The following TGIF1 variants were observed in gnomAD, a reference collection of about 807,000 sequenced individuals.
TGIF1 encodes the protein homeobox protein TGIF1.
Under a neutral mutation model 19.3 loss-of-function variants are expected in TGIF1, and 4 were observed. The observed-to-expected ratio is 0.21, with a 90% CI of 0.10 to 0.47. The LOEUF is 0.47. Ranked by LOEUF, TGIF1 falls within the 20% of genes least tolerant of loss-of-function variation. The pLI, the probability that TGIF1 is intolerant of heterozygous loss-of-function variation, is 0.98. For synonymous variants in TGIF1, 122 were observed against 129.3 expected (o/e 0.94, Z 0.38); for missense variants, 275 against 341.4 (o/e 0.81, Z 1.53).
At chr18:3,432,931 G>A (rs2082567928) in intron 2 of TGIF1, among the ~76,000 whole-genome samples, 1 of 151,888 alleles carries the variant, frequency 6.6e-6, no homozygotes, top group Non-Finnish European at 1.5e-5. Context: ...GGCTAATTTT[G>A]TATTTTTAGT....
chr18:3,449,273 G>C (rs773075180), upstream of TGIF1: 18 of 467,712 alleles, frequency 3.8e-5, no homozygotes, highest in Non-Finnish European at 5.0e-5. Flanking sequence ...ACTGTTGACC[G>C]AAACAGACGA....
In TGIF1 at chr18:3,458,502, T is replaced by TCC. The variant is rs2049435412; in HGVS notation, c.*562_*563insCC. 6.2e-6 allele frequency: 1 copy of TCC among 162,290 alleles called. No individual in the cohort carries two copies. 10.1% of individuals were successfully genotyped at this position (162,290 alleles called of 1,614,324 possible). A position where few individuals can be genotyped will look rare whatever the true frequency, so the allele number is the denominator to read the frequency against. On this transcript the variant is annotated 3_prime_UTR_variant, in exon 3 of 3. Transcript: ENST00000343820. ...CCCAGTGAGCAGGAAGCTGGGGGGGTAGGGTGCAGTGTTAGGGGGTGTCAC... is the reference window on the plus strand; with the variant it reads ...CCCAGTGAGCAGGAAGCTGGGGGGGTCCAGGGTGCAGTGTTAGGGGGTGTCAC...
chr18:3,447,528 C>A, upstream of TGIF1: 1 of 650,200 alleles, frequency 1.5e-6, no homozygotes, highest in Admixed American at 2.3e-5. Flanking sequence ...TGAGGCTGTT[C>A]CCTTTGTTAC....
At chr18:3,422,686 T>TTTTTTG (rs1568029499) in intron 2 of TGIF1, among the ~76,000 whole-genome samples, 9 of 118,874 alleles carry the variant, frequency 7.6e-5, no homozygotes, top group African/African-American at 2.8e-4. Flanking sequence ...TTTTTTTTTT[T>TTTTTTG]TTTTTTTTTT....
rs924561468 is a variant in TGIF1, at chr18:3,451,465, G to A, written c.16+960G>A. ...GAGGTCCCCCGAGTGTTCCGCTGTGGGCTGGAGGTGGCGTTTCTGTCGTGA... is the reference window on the plus strand; with the variant it reads ...GAGGTCCCCCGAGTGTTCCGCTGTGAGCTGGAGGTGGCGTTTCTGTCGTGA... On this transcript the variant is annotated intron_variant, in intron 1 of 2. Transcript: ENST00000343820. This position sits in a 1 kb window ranked among gnomAD's most constrained non-coding sequence, Gnocchi z 5.4. The A allele has an allele frequency of 2.0e-6, 2 of 987,542 alleles. No individual in the cohort carries two copies. The highest frequency in any genetic ancestry group is 2.4e-6 in the Non-Finnish European group (2 of 831,454). 61.2% of individuals were successfully genotyped at this position (987,542 alleles called of 1,614,324 possible).
chr18:3,428,359 T>C (rs1245797609), intron 2 of TGIF1, among the ~76,000 whole-genome samples: 11 of 152,172 alleles, frequency 7.2e-5, no homozygotes, highest in Non-Finnish European at 1.6e-4. Flanking sequence ...GTTTCTGCAG[T>C]TGTTTGAGTT....
intron 2 of TGIF1, among the ~76,000 whole-genome samples, chr18:3,431,375 G>C (rs1019805755): frequency 1.3e-5 from 2 of 152,230 alleles, no homozygotes; most frequent in East Asian, 1.9e-4. Context: ...GGTGGAGGTC[G>C]TAGTGAGCAG....
chr18:3,415,499 G>T, intron 1 of TGIF1: 1 of 466,752 alleles, frequency 2.1e-6, no homozygotes, highest in East Asian at 6.1e-5. Flanking sequence ...GAGTTCCTGG[G>T]TGCCCAGAAG....
chr18:3,445,860 C>G (rs2082738919), upstream of TGIF1, among the ~76,000 whole-genome samples: 1 of 136,382 alleles, frequency 7.3e-6, no homozygotes, highest in Admixed American at 7.8e-5. Flanking sequence ...CCACAGTGTT[C>G]AGGAGGCCCT....
chr18:3,416,366 A>G (rs2082331839), intron 1 of TGIF1, among the ~76,000 whole-genome samples: 2 of 152,120 alleles, frequency 1.3e-5, no homozygotes, highest in South Asian at 4.1e-4. Flanking sequence ...TAAAAATACA[A>G]AAATCAGCAG....
intron 2 of TGIF1, among the ~76,000 whole-genome samples, chr18:3,435,129 GA>G (rs1308608338): frequency 6.6e-6 from 1 of 151,980 alleles, no homozygotes; most frequent in East Asian, 1.9e-4. Context: ...AGTACCAAGT[GA>G]AAAACTCATT....
At position 3,458,424 on chromosome 18, in the gene TGIF1, A is replaced by G. The variant is rs1387313361; in HGVS notation, c.*484A>G. On this transcript the variant is annotated 3_prime_UTR_variant, in exon 3 of 3. Coordinates refer to ENST00000343820, the MANE Select transcript of TGIF1 (RefSeq NM_003244.4). The stretch of plus-strand genomic sequence containing the variant: ...TTTTCTTTAAAAATTGTTGTAATTC[A>G]GAGTATTTCTGTTGAGGGAGGTGCT... 1 of 169,358 alleles carries G rather than the reference A, an allele frequency of 5.9e-6. No individual in the cohort carries two copies. Among genetic ancestry groups the G allele is most frequent in the Admixed American group, 5.9e-5 (1 of 17,062 alleles). 10.5% of individuals were successfully genotyped at this position (169,358 alleles called of 1,614,324 possible).
At chr18:3,417,213 G>A (rs1311570892) in intron 1 of TGIF1, among the ~76,000 whole-genome samples, 1 of 152,160 alleles carries the variant, frequency 6.6e-6, no homozygotes, top group Non-Finnish European at 1.5e-5. Context: ...GGTCTGGAGT[G>A]CAGTGGTGCA....
At chr18:3,415,400 T>C (rs547477175) in intron 1 of TGIF1, 2 of 481,404 alleles carry the variant, frequency 4.2e-6, no homozygotes, top group South Asian at 3.0e-5. Context: ...TCAGGGACAT[T>C]GGAAGCTGGA....
At chr18:3,445,086 G>A (rs923386830) in intron 2 of TGIF1, among the ~76,000 whole-genome samples, 1 of 152,182 alleles carries the variant, frequency 6.6e-6, no homozygotes, top group Non-Finnish European at 1.5e-5. Flanking sequence ...AAGAAAGAAT[G>A]ATCCAGCCCC....
Position 3,457,255 on chromosome 18 carries a change from G to A in TGIF1, c.244-110G>A. On this transcript the variant is annotated intron_variant, in intron 2 of 2. Coordinates refer to ENST00000343820, the MANE Select transcript of TGIF1 (RefSeq NM_003244.4). This position sits in a 1 kb window ranked among gnomAD's most constrained non-coding sequence, Gnocchi z 4.9. ...TGTAAATTCAGATAAGGCTTTTCAT[G>A]CTTTCTTTAATTCAGAGAGCAAGAT... 1.7e-6 allele frequency: 2 copies of A among 1,203,432 alleles called. No homozygotes were observed. Among genetic ancestry groups the A allele is most frequent in the South Asian group, 2.6e-5 (2 of 76,534 alleles). 74.5% of individuals were successfully genotyped at this position (1,203,432 alleles called of 1,614,324 possible).
chr18:3,429,841 G>A (rs552589544), intron 2 of TGIF1, among the ~76,000 whole-genome samples: 1 of 152,348 alleles, frequency 6.6e-6, no homozygotes, highest in South Asian at 2.1e-4. Flanking sequence ...TGTTGTCAAA[G>A]AGGAACAAAC....
chr18:3,458,825 C>T lies in TGIF1; in HGVS notation c.*885C>T, dbSNP rs557614872. 1 of 152,186 alleles carries T rather than the reference C, an allele frequency of 6.6e-6. No individual in the cohort carries two copies. The highest frequency in any genetic ancestry group is 1.9e-4 in the East Asian group (1 of 5,196). 9.4% of individuals were successfully genotyped at this position (152,186 alleles called of 1,614,324 possible). On this transcript the variant is annotated 3_prime_UTR_variant, in exon 3 of 3. Transcript: ENST00000343820. ...TTTTCCACGTTACCCTTTAAAATAACCTTTGTTCAGTGGTACATTTAGTTA... is the reference window on the plus strand; with the variant it reads ...TTTTCCACGTTACCCTTTAAAATAATCTTTGTTCAGTGGTACATTTAGTTA...
chr18:3,458,441 G>A lies in TGIF1; in HGVS notation c.*501G>A, dbSNP rs1021916795. 6.0e-6 allele frequency: 1 copy of A among 166,608 alleles called. No individual in the cohort carries two copies. The highest frequency in any genetic ancestry group is 1.3e-5 in the Non-Finnish European group (1 of 77,342). The allele number at this position is 166,608 out of a possible 1,614,324, so 10.3% of individuals were successfully genotyped here. On this transcript the variant is annotated 3_prime_UTR_variant, in exon 3 of 3. Transcript: ENST00000343820. The stretch of plus-strand genomic sequence containing the variant: ...TGTAATTCAGAGTATTTCTGTTGAG[G>A]GAGGTGCTTCTTAAAAATAAGTAGG...
Sources: allele counts gnomAD v4.1 joint callset (sites outside exome capture counted in the v4.1 genomes callset), GRCh38; gene constraint gnomAD v4.1.1; non-coding constraint Gnocchi (gnomAD v3.1); transcripts MANE v1.5; gene names NCBI Gene and HGNC (gene_info 2026-07-23, HGNC 2026-07-21).